PLXNC1: variants seen among roughly 807,000 people sequenced by gnomAD.
PLXNC1 encodes plexin C1, also known as plexin-C1.
PLXNC1 carries 75 observed loss-of-function variants against 178.2 expected under a neutral mutation model. The ratio of observed to expected loss-of-function variants is 0.42; its 90% CI spans 0.35 to 0.51. The LOEUF is 0.51. Among genes scored for constraint, PLXNC1 ranks in the 20% least tolerant of loss-of-function variants. The probability of loss-of-function intolerance (pLI) is 0.02; values close to 1 mark genes in which losing one functional copy is unlikely to be tolerated. For synonymous variants in PLXNC1, 790 were observed against 779.9 expected (o/e 1.01, Z -0.22); for missense variants, 1,503 against 1,984.4 (o/e 0.76, Z 4.61).
At chr12:94,290,502 C>T (rs928486181) in intron 23 of PLXNC1, among the ~76,000 whole-genome samples, 1 of 152,238 alleles carries the variant, frequency 6.6e-6, no homozygotes, top group Admixed American at 6.5e-5. Flanking sequence ...CCCAGCCGGC[C>T]CCTGCCCAGT....
chr12:94,149,171 A>G lies in PLXNC1; in HGVS notation c.200A>G (p.Gln67Arg). 1 of 1,591,120 alleles carries G rather than the reference A, an allele frequency of 6.3e-7. No individual in the cohort carries two copies. The highest frequency in any genetic ancestry group is 8.5e-7 in the Non-Finnish European group (1 of 1,172,758). The change falls in exon 1 of 31, where the codon CAG becomes CGG. Residue 67 changes from glutamine to arginine, a missense_variant. Around this residue, in one of 4 missense-constraint regions of PLXNC1, gnomAD observed 176 missense variants for 180.7 expected, o/e 0.97. Coordinates refer to ENST00000258526, the MANE Select transcript of PLXNC1 (RefSeq NM_005761.3). ...GTGGCGAGCGGCAGCTGCCTGGACC[A>G]GCTGGACTACAGCCTGGAGCACAGC... ...VFVASGSCLD[Q>R]LDYSLEHSLS...
chr12:94,168,947 CAG>C, intron 1 of PLXNC1, among the ~76,000 whole-genome samples: 1 of 152,178 alleles, frequency 6.6e-6, no homozygotes, highest in East Asian at 1.9e-4. Flanking sequence ...ACATAGTAAA[CAG>C]GGGTTTTCTT....
intron 2 of PLXNC1, among the ~76,000 whole-genome samples, chr12:94,174,650 G>C (rs957254290): frequency 2.6e-5 from 4 of 152,242 alleles, no homozygotes; most frequent in African/African-American, 9.6e-5. Context: ...GTAAAGGCAA[G>C]CTGTACTATA....
intron 8 of PLXNC1, 66 bp from the exon 9 acceptor site, chr12:94,227,083 T>C (rs1963961674): frequency 9.5e-7 from 1 of 1,052,278 alleles, no homozygotes; most frequent in Non-Finnish European, 1.5e-6. Context: ...ACCTTCTCTT[T>C]TATGTTTGTT....
chr12:94,172,241 TC>T (rs1030724351), intron 2 of PLXNC1, among the ~76,000 whole-genome samples: 5 of 152,274 alleles, frequency 3.3e-5, no homozygotes, highest in African/African-American at 1.2e-4. Flanking sequence ...AGGGCTTGGA[TC>T]AGCCACAGCC....
At position 94,220,005 on chromosome 12, in the gene PLXNC1, T is replaced by C. The variant is rs1235810418; in HGVS notation, c.1555-11T>C. ...AAATCATCATTTTTTCCCCATATCT[T>C]CCCCGCACAGACTACAGTGACTATG... is the stretch of plus-strand genomic sequence containing the variant. On this transcript the variant is annotated splice_polypyrimidine_tract_variant and intron_variant, in intron 5 of 30. Coordinates refer to ENST00000258526, the MANE Select transcript of PLXNC1 (RefSeq NM_005761.3). The C allele has an allele frequency of 6.2e-7, 1 of 1,613,260 alleles. No individual in the cohort carries two copies. The highest frequency in any genetic ancestry group is 1.3e-5 in the African/African-American group (1 of 74,880).
chr12:94,202,483 A>G (rs919248962), intron 4 of PLXNC1, among the ~76,000 whole-genome samples: 1 of 152,240 alleles, frequency 6.6e-6, no homozygotes. Context: ...CTAATGCAGT[A>G]TGCTGTGTAG....
chr12:94,188,840 T>C (rs780536322), intron 4 of PLXNC1, among the ~76,000 whole-genome samples: 3 of 152,220 alleles, frequency 2.0e-5, no homozygotes, highest in Non-Finnish European at 4.4e-5. Flanking sequence ...GGAGGGAAGG[T>C]AGGGACTCTG....
Position 94,177,219 on chromosome 12 carries a change from GTATATATATACA to G in PLXNC1, c.1204-4216_1204-4205del, listed in dbSNP as rs1565794525. On this transcript the variant is annotated intron_variant, in intron 2 of 30. Transcript: ENST00000258526. ...TATATACGTATATATATATGTGTGT[GTATATATATACA>G]TATATATATATATATATATATGTAT... is the stretch of plus-strand genomic sequence containing the variant. Among the ~76,000 whole-genome samples the G allele has an allele frequency of 2.1e-3, 183 of 88,430 alleles. 3 individuals carry two copies. The highest frequency in any genetic ancestry group is 7.4e-3 in the African/African-American group (172 of 23,166). The allele number at this position is 88,430 out of a possible 152,430, so 58.0% of individuals were successfully genotyped here. A position where few individuals can be genotyped will look rare whatever the true frequency, so the allele number is the denominator to read the frequency against.
chr12:94,168,578 G>C (rs563623595), intron 1 of PLXNC1, among the ~76,000 whole-genome samples: 1 of 152,084 alleles, frequency 6.6e-6, no homozygotes, highest in Non-Finnish European at 1.5e-5. Context: ...TCTGTGGCTC[G>C]ATCCTACCCA....
intron 8 of PLXNC1, 80 bp downstream of exon 8, chr12:94,226,787 G>A (rs923644551): frequency 1.0e-5 from 10 of 996,234 alleles, no homozygotes; most frequent in African/African-American, 3.2e-5. Context: ...ATTTTGGGAG[G>A]TCGAGGCGGG....
intron 21 of PLXNC1, among the ~76,000 whole-genome samples, chr12:94,270,485 A>G (rs1173998279): frequency 6.6e-6 from 1 of 152,160 alleles, no homozygotes; most frequent in African/African-American, 2.4e-5. Flanking sequence ...ACCCACAAAC[A>G]GGTTGGCCTC....
intron 21 of PLXNC1, among the ~76,000 whole-genome samples, chr12:94,270,065 TATG>T (rs1965481161): frequency 6.6e-6 from 1 of 152,256 alleles, no homozygotes; most frequent in Admixed American, 6.5e-5. Flanking sequence ...GTGACTCTAT[TATG>T]TTATTGTTAG....
chr12:94,168,828 A>G (rs1194763221), intron 1 of PLXNC1, among the ~76,000 whole-genome samples: 1 of 152,224 alleles, frequency 6.6e-6, no homozygotes, highest in East Asian at 1.9e-4. Context: ...CTGCCTCCCA[A>G]TTCAGCGGTG....
intron 5 of PLXNC1, among the ~76,000 whole-genome samples, chr12:94,219,311 TATTTC>T (rs1477387710): frequency 1.3e-5 from 2 of 152,222 alleles, no homozygotes; most frequent in African/African-American, 4.8e-5. Context: ...GACAAAATGA[TATTTC>T]AGTTCAGTGG....
At chr12:94,165,703 A>G (rs551825886) in intron 1 of PLXNC1, among the ~76,000 whole-genome samples, 3 of 152,232 alleles carry the variant, frequency 2.0e-5, no homozygotes, top group African/African-American at 7.2e-5. Context: ...TTAACTTAGT[A>G]AAATGTTTAA....
intron 23 of PLXNC1, among the ~76,000 whole-genome samples, chr12:94,286,877 G>A (rs1966850274): frequency 6.6e-6 from 1 of 152,118 alleles, no homozygotes. Context: ...CAGCACATTT[G>A]AAGAACAGGT....
intron 5 of PLXNC1, among the ~76,000 whole-genome samples, chr12:94,212,653 A>C (rs1373771033): frequency 1.3e-5 from 2 of 151,216 alleles, no homozygotes; most frequent in Non-Finnish European, 2.9e-5. Flanking sequence ...AAGGACATGA[A>C]CTCATCTTTT....
chr12:94,224,029 G>C (rs925885828), intron 6 of PLXNC1, among the ~76,000 whole-genome samples, 199 bp from the exon 7 acceptor site: 3 of 152,210 alleles, frequency 2.0e-5, no homozygotes, highest in African/African-American at 7.2e-5. Context: ...TTGGAGGCTT[G>C]AGCTGTGCAC....
Sources: allele counts gnomAD v4.1 joint callset (sites outside exome capture counted in the v4.1 genomes callset), GRCh38; gene constraint gnomAD v4.1.1; regional missense constraint gnomAD v4.1.1; transcripts MANE v1.5; gene names NCBI Gene and HGNC (gene_info 2026-07-23, HGNC 2026-07-21).